The following RPTN variants were observed in gnomAD, a reference collection of about 807,000 sequenced individuals.
RPTN encodes intermediate filament-associated protein.
Under a neutral mutation model 3.6 loss-of-function variants are expected in RPTN, and 4 were observed. The ratio of observed to expected loss-of-function variants is 1.12; its 90% CI spans 0.55 to 2.55. The LOEUF is 2.55. Ranked by LOEUF, RPTN falls within the 30% of genes most tolerant of loss-of-function variation. The probability of loss-of-function intolerance (pLI) is 0.02; values close to 1 mark genes in which losing one functional copy is unlikely to be tolerated. For synonymous variants in RPTN, 293 were observed against 319.3 expected (o/e 0.92, Z 0.88); for missense variants, 860 against 916.7 (o/e 0.94, Z 0.80).
chr1:152,155,350 A>G lies in RPTN; in HGVS notation c.1749T>C (p.Tyr583=). The G allele has an allele frequency of 6.2e-7, 1 of 1,614,222 alleles. No homozygotes were observed. ...GTATTTCCCCAGTCTGTGATTGAAT[A>G]TAGTGGGAACTCTGGCCTTGTCTGT... ...QTDRQGQSSH[Y]IQSQTGEIQG... Residue 583 remains tyrosine, a synonymous_variant, in exon 3 of 3, where the codon TAT becomes TAC. Coordinates refer to ENST00000316073, the MANE Select transcript of RPTN (RefSeq NM_001122965.1).
In RPTN at chr1:152,155,412, C is replaced by T. The variant is rs191465098; in HGVS notation, c.1687G>A (p.Asp563Asn). Residue 563 changes from aspartate to asparagine, a missense_variant, in exon 3 of 3, where the codon GAC (aspartate) becomes AAC (asparagine). Transcript: ENST00000316073. ...TAATGATAGCTCTGGCCTTGTCTGTCTGTCTGACCGTAGTGGGAACTCTGG... is the reference window on the plus strand; with the variant it reads ...TAATGATAGCTCTGGCCTTGTCTGTTTGTCTGACCGTAGTGGGAACTCTGG... ...QGQSSHYGQT[D>N]RQGQSYHYGQ... The T allele has an allele frequency of 6.6e-5, 106 of 1,613,960 alleles. 2 individuals are homozygous for T. The South Asian group carries it at 1.1e-3, about 17-fold the overall frequency.
Position 152,155,475 on chromosome 1 carries a change from C to T in RPTN, c.1624G>A (p.Gly542Ser). The T allele has an allele frequency of 6.2e-7, 1 of 1,609,780 alleles. No homozygotes were observed. Among genetic ancestry groups the T allele is most frequent in the Non-Finnish European group, 8.5e-7 (1 of 1,178,082 alleles). The part of the protein sequence containing the change: ...SSHYSQMDRQ[G>S]QSSHYGQTDR... ...GTCTGACCATAGTGGGAACTCTGGC[C>T]TTGTCTGTCCATCTGACTGTAGTGG... The change falls in exon 3 of 3, where the codon GGC (glycine) becomes AGC (serine). Residue 542 changes from glycine (G) to serine (S), a missense_variant. Coordinates refer to ENST00000316073, the MANE Select transcript of RPTN (RefSeq NM_001122965.1).
At position 152,155,102 on chromosome 1, in the gene RPTN, A is replaced by G. The variant is rs529572350; in HGVS notation, c.1997T>C (p.Ile666Thr). 6.2e-7 allele frequency: 1 copy of G among 1,613,760 alleles called. No homozygotes were observed. Among genetic ancestry groups the G allele is most frequent in the East Asian group, 2.2e-5 (1 of 44,848 alleles). The change falls in exon 3 of 3, where the codon ATC becomes ACC. Residue 666 changes from isoleucine (I) to threonine (T), a missense_variant. Coordinates refer to ENST00000316073, the MANE Select transcript of RPTN (RefSeq NM_001122965.1). ...QHHQHKLLAQ[I>T]QQERPLCHKG... ...GTGACAAAGTGGTCTTTCTTGTTGG[A>G]TTTGTGCTAAGAGTTTGTGTTGGTG...
chr1:152,157,795 T>C lies in RPTN; in HGVS notation c.95A>G (p.Glu32Gly). The C allele has an allele frequency of 6.2e-7, 1 of 1,614,060 alleles. No individual in the cohort carries two copies. The highest frequency in any genetic ancestry group is 8.5e-7 in the Non-Finnish European group (1 of 1,179,968). The change falls in exon 2 of 3, where the codon GAG becomes GGG. Residue 32 changes from glutamate (E) to glycine (G), a missense_variant. Transcript: ENST00000316073. Reference protein sequence around the residue: ...NGDCALLCKEELKQLLLAEFG... With the variant: ...NGDCALLCKEGLKQLLLAEFG... ...CTCAGCCAAGAGCAGTTGTTTCAACTCTTCCTTGCATAGTAAGGCACAGTC... is the reference window on the plus strand; with the variant it reads ...CTCAGCCAAGAGCAGTTGTTTCAACCCTTCCTTGCATAGTAAGGCACAGTC...
At position 152,155,502 on chromosome 1, in the gene RPTN, A is replaced by T. The variant is rs758696014; in HGVS notation, c.1597T>A (p.Ser533Thr). ...YGQPDRQGQS[S>T]HYSQMDRQGQ... is the part of the protein sequence containing the mutation. Reference sequence around the variant, plus strand: ...TGTCTGTCCATCTGACTGTAGTGGGAACTCTGGCCTTGTCTGTCTGGCTGA... The same window carrying T: ...TGTCTGTCCATCTGACTGTAGTGGGTACTCTGGCCTTGTCTGTCTGGCTGA... Residue 533 changes from serine to threonine, a missense_variant, in exon 3 of 3, where the codon TCC becomes ACC. Transcript: ENST00000316073. 41 of 1,608,256 alleles carry T rather than the reference A, an allele frequency of 2.5e-5. No homozygotes were observed. The highest frequency in any genetic ancestry group is 3.3e-5 in the Non-Finnish European group (39 of 1,177,700).
chr1:152,157,558 G>GGT (rs58634415), intron 2 of RPTN, among the ~76,000 whole-genome samples, 194 bp downstream of exon 2: 72,873 of 139,482 alleles, frequency 0.52, 19,282 homozygotes, highest in East Asian at 0.79. Context: ...GATACAAGGA[G>GGT]GTGTGTGTGT....
At position 152,154,904 on chromosome 1, in the gene RPTN, C is replaced by T. The variant is rs533377838; in HGVS notation, c.2195G>A (p.Arg732Gln). The T allele has an allele frequency of 2.7e-5, 43 of 1,613,990 alleles. 1 individual carries two copies. The highest frequency in any genetic ancestry group is 2.1e-4 in the African/African-American group (16 of 74,952). ...QEGPCGTQDR[R>Q]THKDEQNHQR... Reference sequence around the variant, plus strand: ...ATGGTTCTGCTCATCTTTATGGGTTCGCCTGTCCTGTGTCCCACATGGACC... The same window carrying T: ...ATGGTTCTGCTCATCTTTATGGGTTTGCCTGTCCTGTGTCCCACATGGACC... The change falls in exon 3 of 3, where the codon CGA becomes CAA. Residue 732 changes from arginine to glutamine, a missense_variant. Coordinates refer to ENST00000316073, the MANE Select transcript of RPTN (RefSeq NM_001122965.1).
In RPTN at chr1:152,156,949, G is replaced by T. The variant is rs201047761; in HGVS notation, c.150C>A (p.Asp50Glu). Residue 50 changes from aspartate to glutamate, a missense_variant, in exon 3 of 3, where the codon GAC becomes GAA. Transcript: ENST00000316073. ...EFGDILQRPN[D>E]PETVETILNL... Reference sequence around the variant, plus strand: ...TCAAGATGGTTTCCACAGTCTCTGGGTCATTTGGTCTCTGTTAGGAGATAA... The same window carrying T: ...TCAAGATGGTTTCCACAGTCTCTGGTTCATTTGGTCTCTGTTAGGAGATAA... 213 of 1,612,792 alleles carry T rather than the reference G, an allele frequency of 1.3e-4. No homozygotes were observed. Among genetic ancestry groups the T allele is most frequent in the Non-Finnish European group, 1.3e-4 (148 of 1,179,478 alleles).
rs1659166784 is a variant in RPTN, at chr1:152,155,096, T to C, written c.2003A>G (p.Gln668Arg). ...CCCTTTGTGACAAAGTGGTCTTTCT[T>C]GTTGGATTTGTGCTAAGAGTTTGTG... The part of the protein sequence containing the change: ...HQHKLLAQIQ[Q>R]ERPLCHKGRD... Residue 668 changes from glutamine to arginine, a missense_variant, in exon 3 of 3, where the codon CAA (glutamine) becomes CGA (arginine). Transcript: ENST00000316073. 1.1e-5 allele frequency: 17 copies of C among 1,614,044 alleles called. No individual in the cohort carries two copies. Among genetic ancestry groups the C allele is most frequent in the Non-Finnish European group, 1.4e-5 (17 of 1,180,024 alleles).
At chr1:152,158,367 C>T (rs1260083121) in intron 1 of RPTN, among the ~76,000 whole-genome samples, 2 of 152,138 alleles carry the variant, frequency 1.3e-5, no homozygotes, top group African/African-American at 4.8e-5. Context: ...TTGTAATGAG[C>T]CTTTCTTAAG....
Position 152,155,151 on chromosome 1 carries a change from C to T in RPTN, c.1948G>A (p.Glu650Lys), listed in dbSNP as rs780728360. 1.7e-5 allele frequency: 27 copies of T among 1,614,074 alleles called. No individual in the cohort carries two copies. The highest frequency in any genetic ancestry group is 1.2e-4 in the South Asian group (11 of 91,088). Reference sequence around the variant, plus strand: ...TGATGTTGGCTATCCTCTTCAGGCTCCCATACCTGGTGGCCGTTCTGCTGT... The same window carrying T: ...TGATGTTGGCTATCCTCTTCAGGCTTCCATACCTGGTGGCCGTTCTGCTGT... Reference protein sequence around the residue: ...DSQQNGHQVWEPEEDSQHHQH... With the variant: ...DSQQNGHQVWKPEEDSQHHQH... The change falls in exon 3 of 3, where the codon GAG becomes AAG. Residue 650 changes from glutamate (E) to lysine (K), a missense_variant. Glu to Lys is a moderately conservative substitution (Grantham distance 56). Transcript: ENST00000316073.
Position 152,155,779 on chromosome 1 carries a change from A to G in RPTN, c.1320T>C (p.Gly440=). ...AATTCTGGCCTTGTCTGTCTGGCTG[A>G]CCATAGTGGGAACTCTGGCCTTGTC... The part of the protein sequence containing the change: ...TDRQGQSSHY[G]QPDRQGQNSH... The change falls in exon 3 of 3, where the codon GGT becomes GGC. Residue 440 remains glycine (G), a synonymous_variant. Transcript: ENST00000316073. The G allele has an allele frequency of 6.2e-7, 1 of 1,609,420 alleles. No individual in the cohort carries two copies. Among genetic ancestry groups the G allele is most frequent in the Non-Finnish European group, 8.5e-7 (1 of 1,178,328 alleles).
At position 152,155,446 on chromosome 1, in the gene RPTN, G is replaced by A. The variant is rs747365341; in HGVS notation, c.1653C>T (p.Asp551=). 2.0e-5 allele frequency: 32 copies of A among 1,613,188 alleles called. No homozygotes were observed. Among genetic ancestry groups the A allele is most frequent in the Non-Finnish European group, 2.5e-5 (30 of 1,179,762 alleles). Reference sequence around the variant, plus strand: ...CGTAGTGGGAACTCTGGCCTTGTCTGTCTGTCTGACCATAGTGGGAACTCT... The same window carrying A: ...CGTAGTGGGAACTCTGGCCTTGTCTATCTGTCTGACCATAGTGGGAACTCT... ...QGQSSHYGQT[D]RQGQSSHYGQ... Residue 551 remains aspartate, a synonymous_variant, in exon 3 of 3, where the codon GAC becomes GAT. Coordinates refer to ENST00000316073, the MANE Select transcript of RPTN (RefSeq NM_001122965.1).
rs768958253 is a variant in RPTN at position 152,155,004 on chromosome 1, C to T, written c.2095G>A (p.Glu699Lys). 2 of 1,613,888 alleles carry T rather than the reference C, an allele frequency of 1.2e-6. No homozygotes were observed. Among genetic ancestry groups the T allele is most frequent in the Non-Finnish European group, 8.5e-7 (1 of 1,179,786 alleles). Residue 699 changes from glutamate (E) to lysine (K), a missense_variant, in exon 3 of 3, where the codon GAG (glutamate) becomes AAG (lysine). Physicochemically the swap from Glu to Lys is moderately conservative, Grantham distance 56. Coordinates refer to ENST00000316073, the MANE Select transcript of RPTN (RefSeq NM_001122965.1). ...RQAQTRQSHG[E>K]GLSHWAEEEQ... ...TCCTCTGCCCAGTGGCTCAGCCCCT[C>T]ACCATGACTCTGCCTGGTCTGGGCC...
Position 152,155,233 on chromosome 1 carries a change from C to A in RPTN, c.1866G>T (p.Gln622His), listed in dbSNP as rs1659169968. 1 of 1,614,068 alleles carries A rather than the reference C, an allele frequency of 6.2e-7. No individual in the cohort carries two copies. Among genetic ancestry groups the A allele is most frequent in the Admixed American group, 1.7e-5 (1 of 60,004 alleles). ...TTTGGTACCCTTCCTGTCCTGGAGT[C>A]TGTTGACTTAGCCTCCCTGATCTTC... ...QSGRSGRLSQ[Q>H]TPGQEGYQNQ... The change falls in exon 3 of 3, where the codon CAG becomes CAT. Residue 622 changes from glutamine to histidine, a missense_variant. Transcript: ENST00000316073.
rs760480617 is a variant in RPTN at position 152,155,515 on chromosome 1, T to C, written c.1584A>G (p.Arg528=). The C allele has an allele frequency of 1.2e-6, 2 of 1,608,898 alleles. No homozygotes were observed. The highest frequency in any genetic ancestry group is 2.7e-5 in the African/African-American group (2 of 74,546). ...GACTGTAGTGGGAACTCTGGCCTTG[T>C]CTGTCTGGCTGACCATAGTGGAAAC... ...GQSFHYGQPD[R]QGQSSHYSQM... Residue 528 remains arginine (R), a synonymous_variant, in exon 3 of 3, where the codon AGA becomes AGG. Coordinates refer to ENST00000316073, the MANE Select transcript of RPTN (RefSeq NM_001122965.1).
Position 152,156,058 on chromosome 1 carries a change from G to A in RPTN, c.1041C>T (p.Asp347=). 3 of 1,612,860 alleles carry A rather than the reference G, an allele frequency of 1.9e-6. No homozygotes were observed. Among genetic ancestry groups the A allele is most frequent in the Non-Finnish European group, 2.5e-6 (3 of 1,179,910 alleles). Residue 347 remains aspartate, a synonymous_variant, in exon 3 of 3, where the codon GAC becomes GAT. Coordinates refer to ENST00000316073, the MANE Select transcript of RPTN (RefSeq NM_001122965.1). ...QGQSSHYGQM[D]RKGQCYHYDQ... Reference sequence around the variant, plus strand: ...CATAATGATAACACTGGCCTTTTCTGTCCATTTGACCATAGTGGGAACTCT... The same window carrying A: ...CATAATGATAACACTGGCCTTTTCTATCCATTTGACCATAGTGGGAACTCT...
In RPTN at chr1:152,156,416, A is replaced by C. The variant is rs760674980; in HGVS notation, c.683T>G (p.Leu228Ter). The change falls in exon 3 of 3, where the codon TTA becomes TGA. Residue 228 changes from leucine (L) to a stop codon, truncating the protein, a stop_gained. Coordinates refer to ENST00000316073, the MANE Select transcript of RPTN (RefSeq NM_001122965.1). LOFTEE classifies it low-confidence loss of function (END_TRUNC). ...QAKWQGHIFA[L>*]NRCEKPIQDS... ...CTGAATTGGTTTTTCACACCGATTT[A>C]AGGCAAAGATATGTCCCTGCCATTT... The C allele has an allele frequency of 1.8e-5, 29 of 1,614,134 alleles. No homozygotes were observed. The highest frequency in any genetic ancestry group is 2.5e-5 in the Non-Finnish European group (29 of 1,180,058).
chr1:152,157,123 C>A (rs1172481296), intron 2 of RPTN, among the ~76,000 whole-genome samples, 163 bp from the exon 3 acceptor site: 1 of 152,198 alleles, frequency 6.6e-6, no homozygotes, highest in Non-Finnish European at 1.5e-5. Context: ...CTTTGATCAG[C>A]TGGTTCTCAG....
Sources: gnomAD v4.1 joint callset for allele counts (sites outside exome capture counted in the v4.1 genomes callset) on GRCh38, gnomAD v4.1.1 for gene constraint, MANE v1.5 for transcripts, NCBI Gene and HGNC (gene_info 2026-07-23, HGNC 2026-07-21) for gene names.